Variants in PCDHA9 observed in about 807,000 individuals in gnomAD.
The protein encoded by PCDHA9 is protocadherin alpha 9.
In PCDHA9, 62 loss-of-function variants were observed where a neutral mutation model predicts 62.0. The ratio of observed to expected loss-of-function variants is 1.00; its 90% CI spans 0.81 to 1.23. PCDHA9 has a LOEUF of 1.23. PCDHA9 is among the 50% of genes most tolerant of loss of function. The pLI, the probability that PCDHA9 is intolerant of heterozygous loss-of-function variation, is 0.00. For missense variants in PCDHA9, 1,205 were observed against 1,249.8 expected, an observed-to-expected ratio of 0.96 and a Z score of 0.54; for synonymous variants, 557 against 567.6, an observed-to-expected ratio of 0.98 and a Z score of 0.27.
chr5:140,883,768 C>T, intron 1 of PCDHA9: 1 of 1,612,160 alleles, frequency 6.2e-7, no homozygotes, highest in Non-Finnish European at 8.5e-7. Flanking sequence ...GGCGGGTGGG[C>T]GAGCGTGCGC....
chr5:140,938,062 A>G (rs2091901426), intron 1 of PCDHA9, among the ~76,000 whole-genome samples: 1 of 152,176 alleles, frequency 6.6e-6, no homozygotes, highest in Non-Finnish European at 1.5e-5. Context: ...ATATACTGTC[A>G]TGCTATTCCC....
rs1554181708 is a variant in PCDHA9, at chr5:140,884,544, G to C, written c.2394+33655G>C. 1.9e-6 allele frequency: 3 copies of C among 1,614,222 alleles called. No individual in the cohort carries two copies. In the Admixed American group the frequency reaches 5.0e-5, roughly 27 times the overall value. On this transcript the variant is annotated intron_variant, in intron 1 of 3. Coordinates refer to ENST00000532602, the MANE Select transcript of PCDHA9 (RefSeq NM_031857.2). Reference sequence around the variant, plus strand: ...TCGCAGCAGAGGCGGCCGAGGGTGTGCTCTGGGGAGGGCCCGCATAAGACG... The same window carrying C: ...TCGCAGCAGAGGCGGCCGAGGGTGTCCTCTGGGGAGGGCCCGCATAAGACG...
Position 140,902,287 on chromosome 5 carries a change from C to T in PCDHA9, c.2394+51398C>T, listed in dbSNP as rs150308530. Among the ~76,000 whole-genome samples the T allele has an allele frequency of 1.9e-3, 280 of 150,946 alleles. 2 individuals are homozygous for T. The highest frequency in any genetic ancestry group is 6.5e-3 in the African/African-American group (266 of 41,018). ...TCCTGGGCTCAAGCAATCCTCCTGC[C>T]TCAGCCTCCCAAAGTGCTGGGATTA... is the stretch of plus-strand genomic sequence containing the variant. On this transcript the variant is annotated intron_variant, in intron 1 of 3. Transcript: ENST00000532602.
chr5:140,851,644 C>A, intron 1 of PCDHA9: 1 of 913,486 alleles, frequency 1.1e-6, no homozygotes, highest in Non-Finnish European at 1.3e-6. Flanking sequence ...TTCCTTTCTT[C>A]AAGAAGACAT....
At chr5:140,984,254 G>A (rs553931247) in intron 3 of PCDHA9, among the ~76,000 whole-genome samples, 1 of 152,278 alleles carries the variant, frequency 6.6e-6, no homozygotes, top group East Asian at 1.9e-4. Flanking sequence ...GACCTGGTAA[G>A]CCACAAACTA....
rs181372488 is a variant in PCDHA9, at chr5:140,858,049, G to A, written c.2394+7160G>A. 14,822 of 1,597,442 alleles carry A rather than the reference G, an allele frequency of 9.3e-3. 1,340 individuals carry two copies. Among genetic ancestry groups the A allele is most frequent in the Non-Finnish European group, 0.012 (13,697 of 1,167,420 alleles). On this transcript the variant is annotated intron_variant, in intron 1 of 3. Transcript: ENST00000532602. Reference sequence around the variant, plus strand: ...CGGCCACGGCCACTGTGCTTGTGTCGCTTGTGGAGGGCAGCCAGGCACCCA... The same window carrying A: ...CGGCCACGGCCACTGTGCTTGTGTCACTTGTGGAGGGCAGCCAGGCACCCA...
chr5:140,944,182 G>GTTTGT (rs750577669), intron 1 of PCDHA9, among the ~76,000 whole-genome samples: 5 of 152,052 alleles, frequency 3.3e-5, no homozygotes, highest in East Asian at 1.9e-4. Flanking sequence ...TTTTTTGTTG[G>GTTTGT]TTTGTTTTGT....
rs1554181343 is a variant in PCDHA9, at chr5:140,884,223, A to G, written c.2394+33334A>G. ...CACCACCGCCTTCTGGTGCTGGTGAAGGACCACGGTGAGCCCGCGCTGACG... is the reference window on the plus strand; with the variant it reads ...CACCACCGCCTTCTGGTGCTGGTGAGGGACCACGGTGAGCCCGCGCTGACG... On this transcript the variant is annotated intron_variant, in intron 1 of 3. Coordinates refer to ENST00000532602, the MANE Select transcript of PCDHA9 (RefSeq NM_031857.2). 1.1e-5 allele frequency: 17 copies of G among 1,613,364 alleles called. No homozygotes were observed. The highest frequency in any genetic ancestry group is 1.7e-5 in the Admixed American group (1 of 59,998).
intron 1 of PCDHA9, chr5:140,861,171 A>G (rs2046785081): frequency 6.3e-6 from 1 of 158,188 alleles, no homozygotes; most frequent in Non-Finnish European, 1.4e-5. Flanking sequence ...TCTCAGAGGA[A>G]CTAAGTCTTT....
intron 1 of PCDHA9, chr5:140,967,346 G>C (rs1332345482): frequency 6.2e-7 from 1 of 1,607,970 alleles, no homozygotes; most frequent in Non-Finnish European, 8.5e-7. Context: ...CGAGCACTTC[G>C]AGCTGGACCT....
chr5:140,953,101 T>C (rs1297450101), intron 1 of PCDHA9, among the ~76,000 whole-genome samples: 1 of 152,130 alleles, frequency 6.6e-6, no homozygotes, highest in Non-Finnish European at 1.5e-5. Context: ...TGACATGAGA[T>C]TTGGGCAGGG....
At chr5:140,980,897 A>G (rs2096910436) in intron 2 of PCDHA9, among the ~76,000 whole-genome samples, 1 of 152,186 alleles carries the variant, frequency 6.6e-6, no homozygotes, top group African/African-American at 2.4e-5. Context: ...AGTCTTGGAC[A>G]TCATGTAACT....
At chr5:140,999,836 A>G (rs1554257003) in intron 3 of PCDHA9, among the ~76,000 whole-genome samples, 1 of 152,210 alleles carries the variant, frequency 6.6e-6, no homozygotes, top group African/African-American at 2.4e-5. Flanking sequence ...AAAATATGCC[A>G]AGTGTATTTA....
At chr5:140,954,076 C>T (rs941125208) in intron 1 of PCDHA9, among the ~76,000 whole-genome samples, 4 of 152,150 alleles carry the variant, frequency 2.6e-5, no homozygotes, top group Non-Finnish European at 2.9e-5. Context: ...AGGATAATGG[C>T]TTCCAGCTCC....
At chr5:140,873,417 AATT>A (rs1443232738) in intron 1 of PCDHA9, among the ~76,000 whole-genome samples, 1 of 152,164 alleles carries the variant, frequency 6.6e-6, no homozygotes. Flanking sequence ...AAATTTTGTA[AATT>A]ATTATTTTAT....
intron 1 of PCDHA9, among the ~76,000 whole-genome samples, chr5:140,895,496 T>A (rs1364776623): frequency 1.3e-5 from 2 of 152,216 alleles, no homozygotes; most frequent in African/African-American, 4.8e-5. Flanking sequence ...TATTCAGAAC[T>A]TTTGCCCAAT....
chr5:140,876,653 C>T (rs781890773), intron 1 of PCDHA9: 8 of 1,614,082 alleles, frequency 5.0e-6, no homozygotes, highest in Non-Finnish European at 6.8e-6. Context: ...CCTCATGTTC[C>T]CTTCAAGCTG....
At chr5:140,881,574 A>C (rs565640252) in intron 1 of PCDHA9, among the ~76,000 whole-genome samples, 22 of 152,364 alleles carry the variant, frequency 1.4e-4, no homozygotes, top group Middle Eastern at 6.8e-3. Context: ...CTACATCTCA[A>C]GTCACATTGA....
In PCDHA9 at chr5:140,927,608, G is replaced by A. The variant is rs151084513; in HGVS notation, c.2395-51341G>A. ...CCTGTATTTGAGCGCTCCGTATACC[G>A]CACCAAGGTTCCAGAGACTGCACCC... On this transcript the variant is annotated intron_variant, in intron 1 of 3. Coordinates refer to ENST00000532602, the MANE Select transcript of PCDHA9 (RefSeq NM_031857.2). The A allele has an allele frequency of 2.2e-5, 35 of 1,614,050 alleles. No homozygotes were observed. In the African/African-American group the frequency reaches 4.4e-4, roughly 20 times the overall value.
Sources: gnomAD v4.1 joint callset for allele counts (sites outside exome capture counted in the v4.1 genomes callset) on GRCh38, gnomAD v4.1.1 for gene constraint, MANE v1.5 for transcripts, NCBI Gene and HGNC (gene_info 2026-07-23, HGNC 2026-07-21) for gene names.